Variants in CAPZB observed in about 807,000 individuals in gnomAD.
The protein encoded by CAPZB is capping actin protein of muscle Z-line subunit beta.
In CAPZB, 2 loss-of-function variants were observed where a neutral mutation model predicts 38.1. That is an observed-to-expected ratio of 0.05 (90% CI 0.02 to 0.17). CAPZB has a LOEUF of 0.17. CAPZB is among the 10% of genes least tolerant of loss of function. The pLI is 1.00. For synonymous variants in CAPZB, 107 were observed against 127.4 expected (o/e 0.84, Z 1.08); for missense variants, 161 against 334.2 (o/e 0.48, Z 4.04).
chr1:19,390,252 T>TA lies in CAPZB; in HGVS notation c.94-4627dup, dbSNP rs774895263. On this transcript the variant is annotated intron_variant, in intron 2 of 8. Coordinates refer to ENST00000264202, the MANE Select transcript of CAPZB (RefSeq NM_004930.5). ...CAGACCATGGGTTTGTACAGTGATT[T>TA]AAATGAAACGACAGGTCCAAACAAA... Among the ~76,000 whole-genome samples, 12 of 152,304 alleles carry TA rather than the reference T, an allele frequency of 7.9e-5. 1 individual carries two copies. The highest frequency in any genetic ancestry group is 1.3e-4 in the Admixed American group (2 of 15,300).
chr1:19,350,790 A>AT lies in CAPZB; in HGVS notation c.589-5539dup, dbSNP rs529576171. ...GCTGCCTCACCTGGCTAATTTTTGT[A>AT]TTTTTTGTAGAGAGATGGGGTCTTA... On this transcript the variant is annotated intron_variant, in intron 6 of 8. Coordinates refer to ENST00000264202, the MANE Select transcript of CAPZB (RefSeq NM_004930.5). Among the ~76,000 whole-genome samples, 868 of 151,646 alleles carry AT rather than the reference A, an allele frequency of 5.7e-3. 6 individuals carry two copies. The highest frequency in any genetic ancestry group is 0.019 in the African/African-American group (789 of 41,306).
intron 6 of CAPZB, among the ~76,000 whole-genome samples, chr1:19,352,841 G>A (rs1306382192): frequency 6.6e-6 from 1 of 152,278 alleles, no homozygotes; most frequent in African/African-American, 2.4e-5. Context: ...GCTAGGTGGA[G>A]GCAGCATCGC....
chr1:19,467,966 A>G (rs948305881), intron 1 of CAPZB, among the ~76,000 whole-genome samples: 5 of 152,172 alleles, frequency 3.3e-5, no homozygotes, highest in African/African-American at 9.7e-5. Context: ...AGCCAGGCGC[A>G]GTGGCTCACG....
At chr1:19,367,173 C>A (rs139100935) in intron 4 of CAPZB, among the ~76,000 whole-genome samples, 111 of 152,326 alleles carry the variant, frequency 7.3e-4, no homozygotes, top group Middle Eastern at 3.4e-3. Context: ...AGACGGCACA[C>A]GAGGGGCTGG....
At chr1:19,455,538 A>G (rs2094530384) in intron 1 of CAPZB, among the ~76,000 whole-genome samples, 1 of 152,114 alleles carries the variant, frequency 6.6e-6, no homozygotes, top group Non-Finnish European at 1.5e-5. Context: ...GTGGTTTCCA[A>G]CAAGCGGGAT....
chr1:19,449,392 T>C (rs1205108705), intron 1 of CAPZB: 15 of 965,652 alleles, frequency 1.6e-5, no homozygotes, highest in Non-Finnish European at 1.7e-5. Context: ...TCCACTAGCA[T>C]CCTTAAGGTG....
chr1:19,478,733 G>C (rs1269487846), intron 1 of CAPZB, among the ~76,000 whole-genome samples: 1 of 152,140 alleles, frequency 6.6e-6, no homozygotes, highest in Admixed American at 6.5e-5. Context: ...TATTCTATTA[G>C]GTCTACCTGA....
chr1:19,475,769 T>C (rs895053957), intron 1 of CAPZB, among the ~76,000 whole-genome samples: 1 of 152,154 alleles, frequency 6.6e-6, no homozygotes, highest in Non-Finnish European at 1.5e-5. Context: ...CTTTTTTACC[T>C]AGGAAAATGG....
intron 6 of CAPZB, among the ~76,000 whole-genome samples, chr1:19,349,317 A>G (rs2100272749): frequency 6.6e-6 from 1 of 152,206 alleles, no homozygotes; most frequent in Non-Finnish European, 1.5e-5. Context: ...TCAGCTCGGC[A>G]GGCAGGGAAG....
Position 19,356,773 on chromosome 1 carries a change from C to A in CAPZB, c.472-22G>T. On this transcript the variant is annotated intron_variant, in intron 5 of 8. Transcript: ENST00000264202. This position sits in a 1 kb window ranked among gnomAD's most constrained non-coding sequence, Gnocchi z 4.3. ...TCTCCTGGAAGGACAAGACAGAGAT[C>A]TGTTGAGCTGAGGGAGAGCCTGAAG... 6.4e-7 allele frequency: 1 copy of A among 1,554,602 alleles called. No homozygotes were observed. Among genetic ancestry groups the A allele is most frequent in the Non-Finnish European group, 8.9e-7 (1 of 1,126,802 alleles).
chr1:19,426,475 C>T (rs947771052), intron 1 of CAPZB, among the ~76,000 whole-genome samples: 6 of 152,062 alleles, frequency 3.9e-5, no homozygotes, highest in African/African-American at 1.4e-4. Flanking sequence ...CGCCTTGGAA[C>T]CGGAGGAGCT....
intron 2 of CAPZB, among the ~76,000 whole-genome samples, chr1:19,398,344 C>A (rs760136890): frequency 8.5e-5 from 13 of 152,196 alleles, no homozygotes; most frequent in Non-Finnish European, 1.8e-4. Flanking sequence ...ACAGCAGAGG[C>A]TGACCAGCTC....
chr1:19,389,485 T>C (rs1231207035), intron 2 of CAPZB, among the ~76,000 whole-genome samples: 1 of 152,134 alleles, frequency 6.6e-6, no homozygotes, highest in Non-Finnish European at 1.5e-5. Context: ...TGGAGTGCAG[T>C]GGCGCGATCT....
rs765706838 is a variant in CAPZB, at chr1:19,356,676, C to T, written c.547G>A (p.Gly183Ser). ...CCTCCGAGGTTCATGGTGCCAGAGC[C>T]AGATTTGTTGGTCTGCAGCCACAGC... ...VMLWLQTNKSGSGTMNLGGSL... is the reference protein window; with the variant it reads ...VMLWLQTNKSSSGTMNLGGSL... Residue 183 changes from glycine (G) to serine (S), a missense_variant, in exon 6 of 9, where the codon GGC becomes AGC. By Grantham distance (56) the Gly-to-Ser change is moderately conservative (BLOSUM62 0). Coordinates refer to ENST00000264202, the MANE Select transcript of CAPZB (RefSeq NM_004930.5). The surrounding 1 kb of genome is among the most constrained non-coding windows in gnomAD (Gnocchi z 4.3). The T allele has an allele frequency of 6.2e-7, 1 of 1,614,112 alleles. No homozygotes were observed. Among genetic ancestry groups the T allele is most frequent in the Admixed American group, 1.7e-5 (1 of 60,024 alleles).
chr1:19,341,693 T>C (rs76052720), intron 8 of CAPZB, among the ~76,000 whole-genome samples: 1,671 of 152,294 alleles, frequency 0.011, 25 homozygotes, highest in African/African-American at 0.036. Context: ...CATCACGGTG[T>C]ATCTTAAAAA....
intron 1 of CAPZB, among the ~76,000 whole-genome samples, chr1:19,461,891 T>C (rs1016702140): frequency 2.6e-4 from 40 of 152,232 alleles, no homozygotes; most frequent in African/African-American, 9.4e-4. Flanking sequence ...AGTCATTACA[T>C]TTAAGTGAGA....
chr1:19,484,544 C>T (rs2094643886), intron 1 of CAPZB: 2 of 1,299,890 alleles, frequency 1.5e-6, no homozygotes, highest in Non-Finnish European at 2.0e-6. Flanking sequence ...TCGCTGGCTC[C>T]TAGGCGGCCT....
At chr1:19,342,116 G>C (rs959488868) in intron 8 of CAPZB, among the ~76,000 whole-genome samples, 9 of 152,228 alleles carry the variant, frequency 5.9e-5, no homozygotes, top group Non-Finnish European at 8.8e-5. Flanking sequence ...CTGTTTAAAG[G>C]AACAGCTGCA....
chr1:19,450,026 C>T (rs1451735054), intron 1 of CAPZB, among the ~76,000 whole-genome samples: 2 of 150,570 alleles, frequency 1.3e-5, no homozygotes, highest in Non-Finnish European at 3.0e-5. Flanking sequence ...CCCGTAGTCC[C>T]ACTTACTCAC....
Sources: allele counts gnomAD v4.1 joint callset (sites outside exome capture counted in the v4.1 genomes callset), GRCh38; gene constraint gnomAD v4.1.1; non-coding constraint Gnocchi (gnomAD v3.1); transcripts MANE v1.5; gene names NCBI Gene and HGNC (gene_info 2026-07-23, HGNC 2026-07-21).